RALGPS1: variants seen among roughly 807,000 people sequenced by gnomAD.
RALGPS1 encodes the protein Ral GEF with PH domain and SH3 binding motif 1, also known as ras-specific guanine nucleotide-releasing factor RalGPS1.
Under a neutral mutation model 78.8 loss-of-function variants are expected in RALGPS1, and 19 were observed. The ratio of observed to expected loss-of-function variants is 0.24; its 90% CI spans 0.17 to 0.35. The LOEUF is 0.35. Ranked by LOEUF, RALGPS1 falls within the 10% of genes least tolerant of loss-of-function variation. The pLI is 1.00. For missense variants in RALGPS1, 454 were observed against 688.3 expected (o/e 0.66, Z 3.81); for synonymous variants, 228 against 256.3 (o/e 0.89, Z 1.06).
chr9:126,994,222 A>C (rs758870978), intron 4 of RALGPS1, among the ~76,000 whole-genome samples: 1 of 152,206 alleles, frequency 6.6e-6, no homozygotes, highest in Non-Finnish European at 1.5e-5. Context: ...CAGATGATCA[A>C]ACTACCCCGA....
intron 4 of RALGPS1, among the ~76,000 whole-genome samples, chr9:126,980,310 C>T (rs2041122842): frequency 6.6e-6 from 1 of 152,210 alleles, no homozygotes; most frequent in African/African-American, 2.4e-5. Context: ...CTTTGAGTGA[C>T]CTATGCTCCC....
At chr9:126,999,255 G>T (rs1462013296) in intron 4 of RALGPS1, among the ~76,000 whole-genome samples, 1 of 152,034 alleles carries the variant, frequency 6.6e-6, no homozygotes, top group Non-Finnish European at 1.5e-5. Flanking sequence ...CCCCGTACAT[G>T]CACAGCCTCC....
chr9:127,005,571 G>GT lies in RALGPS1; in HGVS notation c.216+27835dup, dbSNP rs201095428. Among the ~76,000 whole-genome samples the GT allele has an allele frequency of 1.9e-3, 282 of 151,532 alleles. 4 individuals carry two copies. The highest frequency in any genetic ancestry group is 5.9e-3 in the African/African-American group (243 of 41,290). ...CCTTGAGTCACTGCCTTCTCAGGAGGTTTTTTTTTATGAAATGGAGCAGAA... is the reference window on the plus strand; with the variant it reads ...CCTTGAGTCACTGCCTTCTCAGGAGGTTTTTTTTTTATGAAATGGAGCAGAA... On this transcript the variant is annotated intron_variant, in intron 4 of 18. Coordinates refer to ENST00000259351, the MANE Select transcript of RALGPS1 (RefSeq NM_014636.3).
At chr9:126,984,554 G>A (rs1426601394) in intron 4 of RALGPS1, among the ~76,000 whole-genome samples, 1 of 152,176 alleles carries the variant, frequency 6.6e-6, no homozygotes, top group African/African-American at 2.4e-5. Flanking sequence ...TAACTGCTTT[G>A]TTTTGTTTTT....
Position 127,050,027 on chromosome 9 carries a change from G to T in RALGPS1, c.301-16G>T, listed in dbSNP as rs768856356. On this transcript the variant is annotated splice_polypyrimidine_tract_variant and intron_variant, in intron 5 of 18. Coordinates refer to ENST00000259351, the MANE Select transcript of RALGPS1 (RefSeq NM_014636.3). ...CTGGTGTGTATGTGTGTATGTGTGTGTATTTGACTCTACAGGTCAGTTTTT... is the reference window on the plus strand; with the variant it reads ...CTGGTGTGTATGTGTGTATGTGTGTTTATTTGACTCTACAGGTCAGTTTTT... 1 of 1,585,158 alleles carries T rather than the reference G, an allele frequency of 6.3e-7. No individual in the cohort carries two copies. The highest frequency in any genetic ancestry group is 1.1e-5 in the South Asian group (1 of 90,474).
intron 4 of RALGPS1, among the ~76,000 whole-genome samples, chr9:127,027,525 G>A (rs1317478342): frequency 1.3e-5 from 2 of 152,166 alleles, no homozygotes; most frequent in African/African-American, 2.4e-5. Context: ...ACAAATACAA[G>A]CATTTATATT....
At chr9:127,005,618 C>T (rs956080503) in intron 4 of RALGPS1, among the ~76,000 whole-genome samples, 1 of 152,142 alleles carries the variant, frequency 6.6e-6, no homozygotes, top group African/African-American at 2.4e-5. Context: ...TTCGACTACA[C>T]AGGAGTTCAC....
At chr9:127,081,081 C>T (rs1011077238) in intron 8 of RALGPS1, among the ~76,000 whole-genome samples, 12 of 152,216 alleles carry the variant, frequency 7.9e-5, no homozygotes, top group Non-Finnish European at 1.8e-4. Flanking sequence ...TGCAACTTTA[C>T]AGTGCCTACT....
intron 8 of RALGPS1, among the ~76,000 whole-genome samples, chr9:127,102,869 T>C (rs1357920816): frequency 6.6e-6 from 1 of 152,242 alleles, no homozygotes; most frequent in Non-Finnish European, 1.5e-5. Context: ...AACAAAACCT[T>C]TTAGAATAAA....
intron 9 of RALGPS1, 52 bp downstream of exon 9, chr9:127,166,258 G>A (rs952639738): frequency 3.1e-6 from 5 of 1,598,390 alleles, no homozygotes; most frequent in Non-Finnish European, 4.3e-6. Context: ...TGAAATTTGG[G>A]TCTTACCAGT....
intron 1 of RALGPS1, among the ~76,000 whole-genome samples, chr9:126,940,869 G>C (rs904339828): frequency 6.6e-6 from 1 of 152,164 alleles, no homozygotes; most frequent in Non-Finnish European, 1.5e-5. Context: ...ATCCTTGTCT[G>C]TGTAAGTTCA....
At chr9:127,209,435 C>A (rs1286652907) in intron 14 of RALGPS1, among the ~76,000 whole-genome samples, 1 of 152,186 alleles carries the variant, frequency 6.6e-6, no homozygotes, top group Non-Finnish European at 1.5e-5. Flanking sequence ...AGGGAGGTGG[C>A]CATTGGGCCA....
chr9:127,140,969 A>G (rs1305698800), intron 8 of RALGPS1, among the ~76,000 whole-genome samples: 1 of 152,198 alleles, frequency 6.6e-6, no homozygotes, highest in Non-Finnish European at 1.5e-5. Flanking sequence ...CAAGGTGCCT[A>G]CAGGGCTGAA....
At chr9:127,118,932 C>G (rs1396044319) in intron 8 of RALGPS1, among the ~76,000 whole-genome samples, 17 of 152,194 alleles carry the variant, frequency 1.1e-4, no homozygotes, top group Admixed American at 1.1e-3. Flanking sequence ...TCGTGTGTGG[C>G]CCAGTGTGGG....
chr9:127,216,837 G>A (rs1241721683), intron 18 of RALGPS1: 2 of 1,377,292 alleles, frequency 1.5e-6, no homozygotes, highest in African/African-American at 1.5e-5. Context: ...TGTGTCTGGG[G>A]TCCCTCAGTA....
At chr9:127,009,264 C>T (rs2044137080) in intron 4 of RALGPS1, among the ~76,000 whole-genome samples, 2 of 152,200 alleles carry the variant, frequency 1.3e-5, no homozygotes, top group Admixed American at 1.3e-4. Context: ...TCATCCCAGC[C>T]TCTTCCAGCT....
chr9:126,977,928 G>A (rs2040833018), intron 4 of RALGPS1, 183 bp downstream of exon 4: 2 of 490,136 alleles, frequency 4.1e-6, no homozygotes, highest in East Asian at 3.5e-5. Flanking sequence ...GGATTTTCCA[G>A]AGAATGTCTC....
At position 127,157,263 on chromosome 9, in the gene RALGPS1, T is replaced by C. The variant is rs754150551; in HGVS notation, c.611-8806T>C. 3.0e-4 allele frequency among the ~76,000 whole-genome samples: 45 copies of C among 152,230 alleles called. No individual in the cohort carries two copies. In the East Asian group the frequency reaches 5.0e-3, roughly 17 times the overall value. ...TAATTGACATCCTTGCAATGTTGTG[T>C]CTTCCCATCTAAGAATATTATATAT... On this transcript the variant is annotated intron_variant, in intron 8 of 18. Coordinates refer to ENST00000259351, the MANE Select transcript of RALGPS1 (RefSeq NM_014636.3).
intron 1 of RALGPS1, among the ~76,000 whole-genome samples, chr9:126,952,895 A>G (rs544906860): frequency 2.3e-4 from 35 of 152,256 alleles, no homozygotes; most frequent in Non-Finnish European, 4.6e-4. Flanking sequence ...CTGCACGTCC[A>G]CACTGCGGAA....
Sources: allele counts gnomAD v4.1 joint callset (sites outside exome capture counted in the v4.1 genomes callset), GRCh38; gene constraint gnomAD v4.1.1; transcripts MANE v1.5; gene names NCBI Gene and HGNC (gene_info 2026-07-23, HGNC 2026-07-21).